NLRP1: variants seen among roughly 807,000 people sequenced by gnomAD.
The protein encoded by NLRP1 is NACHT, LRR and PYD domains-containing protein 1.
Under a neutral mutation model 136.7 loss-of-function variants are expected in NLRP1, and 94 were observed. The ratio of observed to expected loss-of-function variants is 0.69; its 90% CI spans 0.58 to 0.82. The LOEUF (loss-of-function observed/expected upper bound fraction) is 0.82, where lower values mean the gene tolerates loss of function less well. Ranked by LOEUF, NLRP1 falls within the 40% of genes least tolerant of loss-of-function variation. NLRP1 has a pLI of 0.00. For synonymous variants in NLRP1, 690 were observed against 725.1 expected, an observed-to-expected ratio of 0.95 and a Z score of 0.78; for missense variants, 1,575 against 1,802.7, an observed-to-expected ratio of 0.87 and a Z score of 2.29.
chr17:5,563,341 G>A (rs918217685), intron 3 of NLRP1, among the ~76,000 whole-genome samples: 2 of 152,166 alleles, frequency 1.3e-5, no homozygotes, highest in Non-Finnish European at 2.9e-5. Flanking sequence ...TGAGATTCAG[G>A]AGAAAGTCAA....
intron 5 of NLRP1, among the ~76,000 whole-genome samples, chr17:5,546,883 T>C (rs1171234958): frequency 6.6e-6 from 1 of 152,224 alleles, no homozygotes; most frequent in Non-Finnish European, 1.5e-5. Context: ...GAGATGTTTT[T>C]ATTGTGGGAA....
chr17:5,546,179 C>G (rs1294899140), intron 5 of NLRP1, among the ~76,000 whole-genome samples: 1 of 152,194 alleles, frequency 6.6e-6, no homozygotes, highest in Non-Finnish European at 1.5e-5. Flanking sequence ...TGGCAGATGT[C>G]TTTACCAAGT....
At chr17:5,511,765 CTCTTTCTCTTTCTTCT>C, downstream of NLRP1, among the ~76,000 whole-genome samples, 1 of 138,990 alleles carries the variant, frequency 7.2e-6, no homozygotes, top group African/African-American at 3.0e-5. Flanking sequence ...CTTTTTCTTT[CTCTTTCTCTTTCTTCT>C]TTCTTTCTCT....
intron 12 of NLRP1, among the ~76,000 whole-genome samples, chr17:5,529,472 AT>A (rs1052745482): frequency 1.3e-5 from 2 of 149,890 alleles, no homozygotes; most frequent in African/African-American, 4.9e-5. Context: ...GGTTCACGCC[AT>A]TCTCCTGCCT....
Position 5,501,850 on chromosome 17 carries a change from C to T in NLRP1, c.4092G>A (p.Trp1364Ter), listed in dbSNP as rs767309323. The T allele has an allele frequency of 1.2e-6, 2 of 1,613,830 alleles. No individual in the cohort carries two copies. Among genetic ancestry groups the T allele is most frequent in the African/African-American group, 2.7e-5 (2 of 74,908 alleles). Residue 1364 changes from tryptophan to a stop codon, truncating the protein, a stop_gained, in exon 16 of 16, where the codon TGG becomes TGA. Transcript: ENST00000262467. LOFTEE classifies it low-confidence loss of function (END_TRUNC). Reference sequence around the variant, plus strand: ...TGGCGTCTCTGTTGCACCTGAGGTTCCACGGCTGGCTGGTGTTCCTTCCTG... The same window carrying T: ...TGGCGTCTCTGTTGCACCTGAGGTTTCACGGCTGGCTGGTGTTCCTTCCTG...
downstream of NLRP1, among the ~76,000 whole-genome samples, chr17:5,511,300 T>C (rs1597387972): frequency 6.6e-6 from 1 of 151,880 alleles, no homozygotes; most frequent in Admixed American, 6.6e-5. Context: ...GGTGTGGTGG[T>C]GGGCGCCTGT....
At chr17:5,557,206 T>A (rs1232965500) in intron 4 of NLRP1, among the ~76,000 whole-genome samples, 1 of 152,158 alleles carries the variant, frequency 6.6e-6, no homozygotes, top group Non-Finnish European at 1.5e-5. Flanking sequence ...GGTTTTGCCA[T>A]GTTGGCCAGG....
chr17:5,522,934 T>C (rs1170477351), intron 12 of NLRP1, among the ~76,000 whole-genome samples: 3 of 152,020 alleles, frequency 2.0e-5, no homozygotes, highest in Non-Finnish European at 2.9e-5. Flanking sequence ...AAGAGCCTCC[T>C]CCTCCAGCAC....
intron 3 of NLRP1, among the ~76,000 whole-genome samples, chr17:5,569,294 G>C (rs1239075272): frequency 1.3e-5 from 2 of 152,120 alleles, no homozygotes; most frequent in Non-Finnish European, 2.9e-5. Flanking sequence ...AAATGTAAAT[G>C]GGCTAAATGC....
At chr17:5,527,274 T>A (rs907845120) in intron 12 of NLRP1, among the ~76,000 whole-genome samples, 1 of 152,184 alleles carries the variant, frequency 6.6e-6, no homozygotes, top group Non-Finnish European at 1.5e-5. Context: ...CGCAAGAAAG[T>A]CTCATAATGT....
downstream of NLRP1, among the ~76,000 whole-genome samples, chr17:5,510,383 A>G (rs932912478): frequency 1.3e-5 from 2 of 151,720 alleles, no homozygotes; most frequent in Non-Finnish European, 2.9e-5. Flanking sequence ...TTTTTGAGAT[A>G]GAGGCTCGCT....
intron 3 of NLRP1, among the ~76,000 whole-genome samples, chr17:5,581,211 C>T (rs1490639519): frequency 1.3e-5 from 2 of 152,288 alleles, no homozygotes. Context: ...AGCCTCTGTA[C>T]CTGTGGCTTT....
chr17:5,582,665 C>T lies in NLRP1; in HGVS notation c.448+5G>A, dbSNP rs200852962. 4 of 1,613,850 alleles carry T rather than the reference C, an allele frequency of 2.5e-6. No homozygotes were observed. Among genetic ancestry groups the T allele is most frequent in the African/African-American group, 1.3e-5 (1 of 74,928 alleles). On this transcript the variant is annotated splice_donor_5th_base_variant and intron_variant, in intron 2 of 16. Coordinates refer to ENST00000572272, the MANE Select transcript of NLRP1 (RefSeq NM_033004.4). ...GGGCTGTCAGCCTGCCTCAGCAAGC[C>T]TCACCTCTCCAGCGGCGTCCAGATG... is the stretch of plus-strand genomic sequence containing the variant.
intron 14 of NLRP1, among the ~76,000 whole-genome samples, chr17:5,519,848 CTTTTTT>C (rs755028729): frequency 1.1e-5 from 1 of 90,264 alleles, no homozygotes; most frequent in African/African-American, 4.4e-5. Flanking sequence ...TAAATCAGGT[CTTTTTT>C]TTTTTTTTTT....
intron 3 of NLRP1, among the ~76,000 whole-genome samples, chr17:5,573,800 C>T (rs1054732251): frequency 2.0e-5 from 3 of 152,184 alleles, no homozygotes; most frequent in African/African-American, 7.2e-5. Context: ...GACATCCACA[C>T]CAAAACCCCA....
At chr17:5,573,200 C>A (rs1904616850) in intron 3 of NLRP1, among the ~76,000 whole-genome samples, 1 of 152,168 alleles carries the variant, frequency 6.6e-6, no homozygotes, top group South Asian at 2.1e-4. Context: ...GGTCCTGTAC[C>A]CACGGAGCCT....
intron 15 of NLRP1, among the ~76,000 whole-genome samples, chr17:5,516,978 C>A (rs1005739005): frequency 1.2e-4 from 18 of 152,078 alleles, no homozygotes; most frequent in Admixed American, 5.2e-4. Context: ...TTTCTCTATC[C>A]CAGAAAATTT....
intron 5 of NLRP1, among the ~76,000 whole-genome samples, chr17:5,545,402 A>T (rs1284312406): frequency 1.3e-5 from 2 of 148,444 alleles, no homozygotes; most frequent in African/African-American, 5.0e-5. Context: ...ACACACACGG[A>T]TACACACACA....
intron 14 of NLRP1, among the ~76,000 whole-genome samples, chr17:5,519,409 G>A (rs1293552067): frequency 6.7e-6 from 1 of 149,998 alleles, no homozygotes; most frequent in Non-Finnish European, 1.5e-5. Flanking sequence ...AACTCCCATA[G>A]TGCTGCGATT....
Sources: allele counts gnomAD v4.1 joint callset (sites outside exome capture counted in the v4.1 genomes callset), GRCh38; gene constraint gnomAD v4.1.1; transcripts MANE v1.5; gene names NCBI Gene and HGNC (gene_info 2026-07-23, HGNC 2026-07-21).